CFAP100: variants seen among roughly 807,000 people sequenced by gnomAD.
CFAP100 encodes the protein cilia and flagella associated protein 100.
A neutral mutation model predicts 81.5 loss-of-function variants in CFAP100; 70 were observed. The observed-to-expected ratio is 0.86, with a 90% CI of 0.71 to 1.05. The LOEUF is 1.05. CFAP100 is among the 50% of genes least tolerant of loss of function. The pLI is 0.00. For missense variants in CFAP100, 811 were observed against 776.5 expected (o/e 1.04, Z -0.53); for synonymous variants, 341 against 314.8 (o/e 1.08, Z -0.88).
At chr3:126,406,019 T>C (rs552975605) in intron 2 of CFAP100, among the ~76,000 whole-genome samples, 10 of 152,336 alleles carry the variant, frequency 6.6e-5, no homozygotes, top group African/African-American at 2.2e-4. Context: ...TATCTTCTGA[T>C]TTATATGATA....
At chr3:126,419,397 C>T (rs1278827013) in intron 8 of CFAP100, among the ~76,000 whole-genome samples, 2 of 152,220 alleles carry the variant, frequency 1.3e-5, no homozygotes, top group African/African-American at 4.8e-5. Flanking sequence ...CCAGCTACAG[C>T]CTGAGAGAGG....
At position 126,407,669 on chromosome 3, in the gene CFAP100, C is replaced by T. The variant is rs147154451; in HGVS notation, c.130+417C>T. 8.0e-3 allele frequency among the ~76,000 whole-genome samples: 1,216 copies of T among 152,324 alleles called. 5 individuals carry two copies. The highest frequency in any genetic ancestry group is 0.014 in the Admixed American group (209 of 15,306). On this transcript the variant is annotated intron_variant, in intron 3 of 16. Coordinates refer to ENST00000352312, the MANE Select transcript of CFAP100 (RefSeq NM_182628.3). ...AGTAACAAAGGGAAGGGCAAAACTA[C>T]CCTTCAGCCAACTTAGCCTTCTAGG...
chr3:126,400,068 C>A (rs1407803006), intron 2 of CFAP100, among the ~76,000 whole-genome samples: 1 of 152,212 alleles, frequency 6.6e-6, no homozygotes, highest in Non-Finnish European at 1.5e-5. Context: ...AACCCCTCCA[C>A]TCTTGTGAGA....
At chr3:126,396,906 T>C (rs1040671461) in intron 2 of CFAP100, among the ~76,000 whole-genome samples, 7 of 152,210 alleles carry the variant, frequency 4.6e-5, no homozygotes, top group Admixed American at 2.0e-4. Flanking sequence ...TAGTATTCCA[T>C]GGTTCAAAAT....
chr3:126,410,680 T>A (rs1186540779), intron 3 of CFAP100, among the ~76,000 whole-genome samples: 3 of 152,118 alleles, frequency 2.0e-5, no homozygotes, highest in African/African-American at 7.2e-5. Flanking sequence ...TATTTCTTTT[T>A]CTTGAATCAC....
At chr3:126,435,688 G>C (rs768101473) in intron 16 of CFAP100, 36 bp downstream of exon 16, 1 of 1,556,902 alleles carries the variant, frequency 6.4e-7, no homozygotes, top group Admixed American at 1.7e-5. Context: ...TCTGCTGGAG[G>C]GGGTCCCAAG....
Position 126,423,706 on chromosome 3 carries a change from C to T in CFAP100, c.1286+62C>T, listed in dbSNP as rs2107612250. The stretch of plus-strand genomic sequence containing the variant: ...CGCTCTCATCCTGGGATCCCCCTAG[C>T]ACTGGGAGCCAAGTTGGGGAAACAG... On this transcript the variant is annotated intron_variant, in intron 13 of 16. Coordinates refer to ENST00000352312, the MANE Select transcript of CFAP100 (RefSeq NM_182628.3). 9 of 1,590,476 alleles carry T rather than the reference C, an allele frequency of 5.7e-6. No individual in the cohort carries two copies. The East Asian group carries it at 2.0e-4, about 36-fold the overall frequency.
In CFAP100 at chr3:126,411,361, G is replaced by GTTTTTTTTTTTTTTTTTTTT. The variant is rs58954079; in HGVS notation, c.131-2717_131-2698dup. On this transcript the variant is annotated intron_variant, in intron 3 of 16. Coordinates refer to ENST00000352312, the MANE Select transcript of CFAP100 (RefSeq NM_182628.3). ...TCTGTAGTTTTTTTTGTTGTTGTTG[G>GTTTTTTTTTTTTTTTTTTTT]TTTTTTTTTTTTTTTTTTTTTTTTT... is the stretch of plus-strand genomic sequence containing the variant. Among the ~76,000 whole-genome samples, 23 of 35,366 alleles carry GTTTTTTTTTTTTTTTTTTTT rather than the reference G, an allele frequency of 6.5e-4. 2 individuals carry two copies. The highest frequency in any genetic ancestry group is 1.1e-3 in the Admixed American group (2 of 1,834). The allele number at this position is 35,366 out of a possible 152,430, so 23.2% of individuals were successfully genotyped here.
At chr3:126,406,586 C>G (rs767912867) in intron 2 of CFAP100, among the ~76,000 whole-genome samples, 11 of 152,248 alleles carry the variant, frequency 7.2e-5, no homozygotes, top group Admixed American at 7.2e-4. Context: ...TGAGTAGTCA[C>G]CTGAAGAAAC....
intron 5 of CFAP100, 111 bp from the exon 6 acceptor site, chr3:126,418,347 G>A (rs2083274374): frequency 1.1e-6 from 1 of 880,638 alleles, no homozygotes; most frequent in Admixed American, 1.8e-5. Context: ...TCACCTGGGC[G>A]TGGACGCAAA....
At chr3:126,420,518 C>T (rs1054030750) in intron 11 of CFAP100, 12 of 453,022 alleles carry the variant, frequency 2.6e-5, no homozygotes, top group African/African-American at 2.2e-4. Flanking sequence ...GGACAAAGGC[C>T]TGCCCCTGGT....
intron 4 of CFAP100, among the ~76,000 whole-genome samples, chr3:126,415,910 C>T (rs1265478022): frequency 6.6e-6 from 1 of 152,208 alleles, no homozygotes. Context: ...GACCTTCCAG[C>T]TAGGCTACAC....
intron 5 of CFAP100, chr3:126,418,209 A>C (rs1013337255): frequency 3.1e-5 from 16 of 517,986 alleles, no homozygotes; most frequent in African/African-American, 3.1e-4. Context: ...GAAAGGCGCA[A>C]GTCAGACACA....
intron 13 of CFAP100, among the ~76,000 whole-genome samples, chr3:126,424,563 G>A (rs2083382141): frequency 6.6e-6 from 1 of 152,262 alleles, no homozygotes. Context: ...CACTGGTGAG[G>A]CATGTCCAGA....
At chr3:126,417,333 T>C (rs2083260288) in intron 5 of CFAP100, among the ~76,000 whole-genome samples, 1 of 152,256 alleles carries the variant, frequency 6.6e-6, no homozygotes, top group Admixed American at 6.5e-5. Flanking sequence ...TCTTAAGTAC[T>C]GAATATGTAT....
At chr3:126,414,568 C>G (rs2083204957) in intron 4 of CFAP100, among the ~76,000 whole-genome samples, 1 of 152,212 alleles carries the variant, frequency 6.6e-6, no homozygotes. Flanking sequence ...ACAGGCACCC[C>G]CTGCTGCTCA....
chr3:126,423,681 C>T (rs200515324), intron 13 of CFAP100, 37 bp downstream of exon 13: 11 of 1,611,724 alleles, frequency 6.8e-6, no homozygotes, highest in Middle Eastern at 1.7e-4. Flanking sequence ...GGCTCCCTGC[C>T]GCTCTCATCC....
At position 126,434,242 on chromosome 3, in the gene CFAP100, CAGG is replaced by C. The variant is rs1933352651; in HGVS notation, c.1493_1495del (p.Glu498del). 1.2e-6 allele frequency: 2 copies of C among 1,614,006 alleles called. No homozygotes were observed. Among genetic ancestry groups the C allele is most frequent in the South Asian group, 1.1e-5 (1 of 91,078 alleles). ...GTACCGGCACTGCACCGGCACCCAGCAGGAGGCCAACCTGGGCACCGTGCAGAT... is the reference window on the plus strand; with the variant it reads ...GTACCGGCACTGCACCGGCACCCAGCAGGCCAACCTGGGCACCGTGCAGAT... On this transcript the variant is annotated inframe_deletion, in exon 15 of 17. Coordinates refer to ENST00000352312, the MANE Select transcript of CFAP100 (RefSeq NM_182628.3).
At chr3:126,409,624 A>C (rs1310700430) in intron 3 of CFAP100, among the ~76,000 whole-genome samples, 1 of 152,224 alleles carries the variant, frequency 6.6e-6, no homozygotes, top group Non-Finnish European at 1.5e-5. Flanking sequence ...CGATCCTTTT[A>C]ATATGACTTT....
Sources: gnomAD v4.1 joint callset for allele counts (sites outside exome capture counted in the v4.1 genomes callset) on GRCh38, gnomAD v4.1.1 for gene constraint, MANE v1.5 for transcripts, NCBI Gene and HGNC (gene_info 2026-07-23, HGNC 2026-07-21) for gene names.